Variants in FBXO33 observed in about 807,000 individuals in gnomAD.
The protein encoded by FBXO33 is F-box protein 33, also known as F-box only protein 33.
Under a neutral mutation model 46.3 loss-of-function variants are expected in FBXO33, and 22 were observed. The ratio of observed to expected loss-of-function variants is 0.48; its 90% CI spans 0.34 to 0.68. The LOEUF (loss-of-function observed/expected upper bound fraction) is 0.68, where lower values mean the gene tolerates loss of function less well. Ranked by LOEUF, FBXO33 falls within the 30% of genes least tolerant of loss-of-function variation. FBXO33 has a pLI of 0.01. For synonymous variants in FBXO33, 337 were observed against 291.3 expected, an observed-to-expected ratio of 1.16 and a Z score of -1.60; for missense variants, 692 against 708.8, an observed-to-expected ratio of 0.98 and a Z score of 0.27.
At chr14:39,408,409 A>C (rs950829006) in intron 1 of FBXO33, among the ~76,000 whole-genome samples, 1 of 152,084 alleles carries the variant, frequency 6.6e-6, no homozygotes, top group African/African-American at 2.4e-5. Context: ...TGCTTGTTTT[A>C]AAATTAGGTT....
rs78427164 is a variant in FBXO33 at position 39,414,022 on chromosome 14, C to T, written c.600-11511G>A. Among the ~76,000 whole-genome samples, 1,389 of 152,272 alleles carry T rather than the reference C, an allele frequency of 9.1e-3. 17 individuals are homozygous for T. Among genetic ancestry groups the T allele is most frequent in the African/African-American group, 0.03 (1,261 of 41,542 alleles). On this transcript the variant is annotated intron_variant, in intron 1 of 3. Coordinates refer to ENST00000298097, the MANE Select transcript of FBXO33 (RefSeq NM_203301.4). ...TAACGAGAGTCAGCCTGTCTTTTGA[C>T]GCTTTTAAAGTCAGGTATTGGCTTG...
At position 39,416,876 on chromosome 14, in the gene FBXO33, T is replaced by A. The variant is rs1210649055; in HGVS notation, c.600-14365A>T. 2.0e-5 allele frequency among the ~76,000 whole-genome samples: 3 copies of A among 152,192 alleles called. No individual in the cohort carries two copies. The East Asian group carries it at 5.8e-4, about 29-fold the overall frequency. On this transcript the variant is annotated intron_variant, in intron 1 of 3. Transcript: ENST00000298097. ...CTAAAGAATTATTTTCTTCCTTAGA[T>A]TCTGTCATGTTTTCTTGATTTTCCA...
At position 39,426,027 on chromosome 14, in the gene FBXO33, A is replaced by C. The variant is rs537492741; in HGVS notation, c.599+5537T>G. ...CTAAGAATTACCATCCCCTAATCTA[A>C]GAATAACTACCATCCCCAAATCCCG... On this transcript the variant is annotated intron_variant, in intron 1 of 3. Transcript: ENST00000298097. Among the ~76,000 whole-genome samples the C allele has an allele frequency of 3.9e-5, 6 of 152,344 alleles. No individual in the cohort carries two copies. In the South Asian group the frequency reaches 6.2e-4, roughly 16 times the overall value.
chr14:39,408,225 G>A (rs566267055), intron 1 of FBXO33, among the ~76,000 whole-genome samples: 6 of 152,040 alleles, frequency 3.9e-5, no homozygotes, highest in Non-Finnish European at 7.4e-5. Context: ...AATTACAGGC[G>A]TGAGCCACCA....
At chr14:39,421,023 T>C (rs1268381928) in intron 1 of FBXO33, among the ~76,000 whole-genome samples, 1 of 152,196 alleles carries the variant, frequency 6.6e-6, no homozygotes, top group Admixed American at 6.5e-5. Flanking sequence ...CTCTGAAGCA[T>C]GGCACTATGA....
chr14:39,402,892 T>C (rs960133433), intron 1 of FBXO33, among the ~76,000 whole-genome samples: 6 of 152,124 alleles, frequency 3.9e-5, no homozygotes, highest in African/African-American at 1.2e-4. Context: ...GATTTCTTTA[T>C]ACATACAAAG....
Position 39,432,139 on chromosome 14 carries a change from C to G in FBXO33, c.24G>C (p.Pro8=), listed in dbSNP as rs1327314679. The part of the protein sequence containing the change: MLLFLSV[P]QPRPPGARTR... ...TTCGAGCTCCCGGCGGTCGGGGCTG[C>G]GGCACTGACAAGAACAACAACATCA... The change falls in exon 1 of 4, where the codon CCG becomes CCC. Residue 8 remains proline (P), a synonymous_variant. Transcript: ENST00000298097. 1.6e-6 allele frequency: 2 copies of G among 1,239,060 alleles called. No individual in the cohort carries two copies. The highest frequency in any genetic ancestry group is 1.6e-5 in the African/African-American group (1 of 64,220). 76.8% of individuals were successfully genotyped at this position (1,239,060 alleles called of 1,614,324 possible). A position where few individuals can be genotyped will look rare whatever the true frequency, so the allele number is the denominator to read the frequency against.
chr14:39,400,327 A>T (rs929546072), intron 3 of FBXO33, among the ~76,000 whole-genome samples: 1 of 152,220 alleles, frequency 6.6e-6, no homozygotes, highest in East Asian at 1.9e-4. Context: ...TCAGAATAAT[A>T]ACTACTTCTG....
At chr14:39,420,164 T>C (rs999327406) in intron 1 of FBXO33, among the ~76,000 whole-genome samples, 1 of 152,214 alleles carries the variant, frequency 6.6e-6, no homozygotes, top group African/African-American at 2.4e-5. Context: ...CATGAAAAGT[T>C]ATGGTGGTTA....
At position 39,432,151 on chromosome 14, in the gene FBXO33, G is replaced by C. The variant is rs750196349; in HGVS notation, c.12C>G (p.Phe4Leu). The stretch of plus-strand genomic sequence containing the variant: ...GCGGTCGGGGCTGCGGCACTGACAA[G>C]AACAACAACATCAATGACTAGGAAG... Reference protein sequence around the residue: MLLFLSVPQPRPPG... With the variant: MLLLLSVPQPRPPG... Residue 4 changes from phenylalanine (F) to leucine (L), a missense_variant, in exon 1 of 4, where the codon TTC becomes TTG. Physicochemically the swap from Phe to Leu is conservative, Grantham distance 22 (BLOSUM62 0). Coordinates refer to ENST00000298097, the MANE Select transcript of FBXO33 (RefSeq NM_203301.4). The C allele has an allele frequency of 6.5e-6, 8 of 1,237,010 alleles. No individual in the cohort carries two copies. Among genetic ancestry groups the C allele is most frequent in the Non-Finnish European group, 8.1e-6 (8 of 990,102 alleles). The allele number at this position is 1,237,010 out of a possible 1,614,324, so 76.6% of individuals were successfully genotyped here. A position where few individuals can be genotyped will look rare whatever the true frequency, so the allele number is the denominator to read the frequency against.
chr14:39,398,461 TTTTC>T lies in FBXO33; in HGVS notation c.*1051_*1054del, dbSNP rs2075353425. 3 of 148,064 alleles carry T rather than the reference TTTTC, an allele frequency of 2.0e-5. No homozygotes were observed. Among genetic ancestry groups the T allele is most frequent in the African/African-American group, 8.0e-5 (3 of 37,624 alleles). 9.2% of individuals were successfully genotyped at this position (148,064 alleles called of 1,614,324 possible). A position where few individuals can be genotyped will look rare whatever the true frequency, so the allele number is the denominator to read the frequency against. On this transcript the variant is annotated 3_prime_UTR_variant, in exon 4 of 4. Transcript: ENST00000298097. ...ACAGTGAAACAGGTGCATGTTTTTT[TTTTC>T]TTTTTTTTTTTTTTTTGTTTTGTTT... is the stretch of plus-strand genomic sequence containing the variant.
chr14:39,402,279 T>C, intron 2 of FBXO33, 122 bp downstream of exon 2: 1 of 478,308 alleles, frequency 2.1e-6, no homozygotes, highest in African/African-American at 2.0e-5. Flanking sequence ...CATTAAAACA[T>C]TTCCAGGACC....
intron 1 of FBXO33, among the ~76,000 whole-genome samples, chr14:39,410,344 T>C (rs1719126862): frequency 1.3e-5 from 2 of 152,264 alleles, no homozygotes; most frequent in African/African-American, 2.4e-5. Context: ...TATTTATTGA[T>C]GTGCATATGG....
Position 39,399,660 on chromosome 14 carries a change from A to T in FBXO33, c.1524T>A (p.Asp508Glu), listed in dbSNP as rs913308941. Residue 508 changes from aspartate (D) to glutamate (E), a missense_variant, in exon 4 of 4, where the codon GAT becomes GAA. Asp to Glu is a conservative substitution (Grantham distance 45). Coordinates refer to ENST00000298097, the MANE Select transcript of FBXO33 (RefSeq NM_203301.4). ...CCTGCTCAATAAGGTTATGCACTGGATCTACATCCTGGTCGGCCAGTTCAC... is the reference window on the plus strand; with the variant it reads ...CCTGCTCAATAAGGTTATGCACTGGTTCTACATCCTGGTCGGCCAGTTCAC... ...DQGELADQDV[D>E]PVHNLIEQVS... is the part of the protein sequence containing the mutation. The T allele has an allele frequency of 1.9e-6, 3 of 1,614,044 alleles. No individual in the cohort carries two copies. Among genetic ancestry groups the T allele is most frequent in the Non-Finnish European group, 2.5e-6 (3 of 1,179,992 alleles).
intron 1 of FBXO33, among the ~76,000 whole-genome samples, chr14:39,415,018 C>A (rs531282296): frequency 6.6e-6 from 1 of 152,158 alleles, no homozygotes; most frequent in African/African-American, 2.4e-5. Flanking sequence ...AGGGCTGGTC[C>A]GTAGTCAGAA....
At chr14:39,427,497 C>A (rs2075521692) in intron 1 of FBXO33, among the ~76,000 whole-genome samples, 1 of 152,076 alleles carries the variant, frequency 6.6e-6, no homozygotes, top group Non-Finnish European at 1.5e-5. Context: ...AGAGATGAAA[C>A]ATTGTTAGAC....
chr14:39,402,125 G>A (rs2075371607), intron 2 of FBXO33, among the ~76,000 whole-genome samples: 1 of 152,134 alleles, frequency 6.6e-6, no homozygotes, highest in Non-Finnish European at 1.5e-5. Context: ...CCGTTTAGTA[G>A]AAAAGTAGGA....
intron 1 of FBXO33, among the ~76,000 whole-genome samples, chr14:39,418,731 C>T (rs10134065): frequency 0.082 from 12,213 of 148,338 alleles, 603 homozygotes; most frequent in South Asian, 0.18. Flanking sequence ...GCCGAGATCG[C>T]GCCACTGCAC....
chr14:39,418,762 G>A (rs567724465), intron 1 of FBXO33, among the ~76,000 whole-genome samples: 19 of 136,180 alleles, frequency 1.4e-4, no homozygotes, highest in Middle Eastern at 9.0e-3. Flanking sequence ...GTGACAAAGC[G>A]AGACTCCGTC....
Sources: allele counts gnomAD v4.1 joint callset (sites outside exome capture counted in the v4.1 genomes callset), GRCh38; gene constraint gnomAD v4.1.1; transcripts MANE v1.5; gene names NCBI Gene and HGNC (gene_info 2026-07-23, HGNC 2026-07-21).